APAF1: variants seen among roughly 807,000 people sequenced by gnomAD.
APAF1 encodes the protein apoptotic peptidase activating factor 1, also known as apoptotic protease-activating factor 1.
In APAF1, 91 loss-of-function variants were observed where a neutral mutation model predicts 152.4. The observed-to-expected ratio is 0.60, with a 90% CI of 0.50 to 0.71. The LOEUF (loss-of-function observed/expected upper bound fraction) is 0.71, where lower values mean the gene tolerates loss of function less well. Ranked by LOEUF, APAF1 falls within the 30% of genes least tolerant of loss-of-function variation. The probability of loss-of-function intolerance (pLI) is 0.00; values close to 1 mark genes in which losing one functional copy is unlikely to be tolerated. For synonymous variants in APAF1, 484 were observed against 494.1 expected (o/e 0.98, Z 0.27); for missense variants, 1,283 against 1,472.0 (o/e 0.87, Z 2.10).
intron 10 of APAF1, among the ~76,000 whole-genome samples, chr12:98,668,198 A>G (rs2097675837): frequency 6.6e-6 from 1 of 152,092 alleles, no homozygotes; most frequent in South Asian, 2.1e-4. Flanking sequence ...ATAATTTTTT[A>G]TTAGTAAAAA....
intron 4 of APAF1, 100 bp from the exon 5 acceptor site, chr12:98,659,060 G>A: frequency 8.6e-7 from 1 of 1,157,572 alleles, no homozygotes; most frequent in South Asian, 1.3e-5. Flanking sequence ...AAGATGTGAT[G>A]GGATTGTAAA....
At chr12:98,667,303 C>T (rs567381786) in intron 9 of APAF1, among the ~76,000 whole-genome samples, 8 of 151,368 alleles carry the variant, frequency 5.3e-5, no homozygotes, top group South Asian at 4.2e-4. Flanking sequence ...ATTAAATATA[C>T]GGATATCTCT....
chr12:98,717,156 C>T (rs1011462075), intron 22 of APAF1, among the ~76,000 whole-genome samples: 1 of 152,070 alleles, frequency 6.6e-6, no homozygotes, highest in Non-Finnish European at 1.5e-5. Flanking sequence ...GCATGAGCCC[C>T]CGCACCTGGC....
At chr12:98,671,367 A>G (rs2097679927) in intron 11 of APAF1, among the ~76,000 whole-genome samples, 168 bp from the exon 12 acceptor site, 1 of 152,176 alleles carries the variant, frequency 6.6e-6, no homozygotes, top group Admixed American at 6.6e-5. Context: ...TATGTTTAAA[A>G]GTCAGAAGAG....
chr12:98,731,271 C>G lies in APAF1; in HGVS notation c.3601-1149C>G, dbSNP rs548284987. ...GCCTCTTCCATTATGAACATCCCCC[C>G]ACCAGAGATGTGCATTTGTTACAAT... On this transcript the variant is annotated intron_variant, in intron 26 of 26. Transcript: ENST00000551964. 5.3e-5 allele frequency among the ~76,000 whole-genome samples: 8 copies of G among 152,300 alleles called. No homozygotes were observed. The East Asian group carries it at 5.8e-4, about 11-fold the overall frequency.
At chr12:98,689,885 T>C (rs990195665) in intron 16 of APAF1, among the ~76,000 whole-genome samples, 2 of 152,258 alleles carry the variant, frequency 1.3e-5, no homozygotes, top group East Asian at 3.8e-4. Context: ...ATAAATGTGT[T>C]GTACTGTTCA....
chr12:98,714,812 G>A (rs2097732029), intron 21 of APAF1, among the ~76,000 whole-genome samples: 1 of 147,672 alleles, frequency 6.8e-6, no homozygotes, highest in Non-Finnish European at 1.5e-5. Context: ...TTGTTTTTTT[G>A]GTATGAGTTC....
rs757702293 is a variant in APAF1, at chr12:98,683,152, T to A, written c.2056T>A (p.Ser686Thr). The change falls in exon 15 of 27, where the codon TCT becomes ACT. Residue 686 changes from serine (S) to threonine (T), a missense_variant. Ser to Thr is a moderately conservative substitution (Grantham distance 58). Coordinates refer to ENST00000551964, the MANE Select transcript of APAF1 (RefSeq NM_181861.2). ...TCTCTTTTCTCTTTAGATTTGGAAT[T>A]CTATGACTGGGGAACTAGTACACAC... ...SVDKKVKIWN[S>T]MTGELVHTYD... is the part of the protein sequence containing the mutation. 7 of 1,613,012 alleles carry A rather than the reference T, an allele frequency of 4.3e-6. No homozygotes were observed. Among genetic ancestry groups the A allele is most frequent in the Non-Finnish European group, 5.9e-6 (7 of 1,179,378 alleles).
intron 5 of APAF1, among the ~76,000 whole-genome samples, chr12:98,659,752 G>GCAA (rs2097662491): frequency 1.1e-5 from 1 of 89,920 alleles, no homozygotes; most frequent in African/African-American, 4.4e-5. Context: ...AACTCCATCA[G>GCAA]AAAAAAAAAA....
intron 16 of APAF1, among the ~76,000 whole-genome samples, chr12:98,695,087 C>G (rs113613007): frequency 0.11 from 16,979 of 150,724 alleles, 1,018 homozygotes; most frequent in East Asian, 0.25. Flanking sequence ...GAGTCTTGCT[C>G]TGTTGCCCAG....
At chr12:98,727,065 G>T in intron 25 of APAF1, 108 bp from the exon 26 acceptor site, 14 of 1,021,952 alleles carry the variant, frequency 1.4e-5, no homozygotes, top group Non-Finnish European at 2.1e-5. Context: ...TTATAATAAA[G>T]TCTAGTAAAA....
intron 9 of APAF1, 79 bp from the exon 10 acceptor site, chr12:98,667,434 A>G (rs954224213): frequency 2.6e-6 from 4 of 1,556,470 alleles, no homozygotes; most frequent in Non-Finnish European, 3.5e-6. Flanking sequence ...CATTCTTAAT[A>G]GCTTTGGAAG....
At chr12:98,653,452 T>A (rs533869365) in intron 4 of APAF1, among the ~76,000 whole-genome samples, 6 of 149,512 alleles carry the variant, frequency 4.0e-5, no homozygotes, top group African/African-American at 1.2e-4. Context: ...AGGTCAGGAG[T>A]TTGAGACCAG....
intron 18 of APAF1, among the ~76,000 whole-genome samples, chr12:98,706,131 A>G (rs1165773295): frequency 6.6e-6 from 1 of 152,194 alleles, no homozygotes; most frequent in Non-Finnish European, 1.5e-5. Context: ...TATAGTATAT[A>G]GACTCTTCTA....
At chr12:98,657,441 C>T (rs1322376818) in intron 4 of APAF1, among the ~76,000 whole-genome samples, 1 of 152,190 alleles carries the variant, frequency 6.6e-6, no homozygotes, top group Non-Finnish European at 1.5e-5. Context: ...TCATCCAGAC[C>T]ATTGCTTACG....
At chr12:98,698,628 G>T (rs746926896) in intron 16 of APAF1, among the ~76,000 whole-genome samples, 2 of 152,170 alleles carry the variant, frequency 1.3e-5, no homozygotes, top group Non-Finnish European at 2.9e-5. Context: ...TTACCTGGGA[G>T]TTGTGCTTTG....
intron 4 of APAF1, among the ~76,000 whole-genome samples, chr12:98,653,320 G>A (rs189412496): frequency 2.3e-3 from 351 of 152,068 alleles, no homozygotes; most frequent in Middle Eastern, 3.4e-3. Context: ...CTATGGAAAT[G>A]TTTTCTTTGG....
intron 9 of APAF1, 103 bp downstream of exon 9, chr12:98,666,460 C>A (rs1210202649): frequency 1.9e-6 from 2 of 1,066,226 alleles, no homozygotes; most frequent in African/African-American, 3.2e-5. Context: ...TGCATAAGTC[C>A]TTCACCTAGC....
chr12:98,665,278 AT>A (rs376318016), intron 7 of APAF1, among the ~76,000 whole-genome samples: 5,989 of 65,714 alleles, frequency 0.091, 250 homozygotes, highest in Non-Finnish European at 0.12. Flanking sequence ...ATATATATAT[AT>A]TTTTTTTTTT....
Sources: allele counts gnomAD v4.1 joint callset (sites outside exome capture counted in the v4.1 genomes callset), GRCh38; gene constraint gnomAD v4.1.1; transcripts MANE v1.5; gene names NCBI Gene and HGNC (gene_info 2026-07-23, HGNC 2026-07-21).